DSCAM: variants seen among roughly 807,000 people sequenced by gnomAD.
The protein encoded by DSCAM is DS cell adhesion molecule, also known as cell adhesion molecule DSCAM.
Under a neutral mutation model 217.7 loss-of-function variants are expected in DSCAM, and 47 were observed. The ratio of observed to expected loss-of-function variants is 0.22; its 90% CI spans 0.17 to 0.28. The LOEUF (loss-of-function observed/expected upper bound fraction) is 0.28, where lower values mean the gene tolerates loss of function less well. DSCAM is among the 10% of genes least tolerant of loss of function. The pLI is 1.00. For missense variants in DSCAM, 2,080 were observed against 2,618.3 expected, an observed-to-expected ratio of 0.79 and a Z score of 4.49; for synonymous variants, 1,056 against 1,015.3, an observed-to-expected ratio of 1.04 and a Z score of -0.76.
At chr21:40,331,495 T>A (rs1398077657) in intron 8 of DSCAM, among the ~76,000 whole-genome samples, 4 of 152,146 alleles carry the variant, frequency 2.6e-5, no homozygotes, top group Non-Finnish European at 5.9e-5. Flanking sequence ...AGCAAGACAT[T>A]ACGGTGACAG....
intron 18 of DSCAM, among the ~76,000 whole-genome samples, chr21:40,139,718 C>T (rs1347506224): frequency 6.6e-6 from 1 of 150,464 alleles, no homozygotes; most frequent in Admixed American, 6.6e-5. Flanking sequence ...GGGTGATGTA[C>T]ATGCAGTTTG....
intron 1 of DSCAM, among the ~76,000 whole-genome samples, chr21:40,732,190 A>C (rs764119287): frequency 6.6e-6 from 1 of 152,208 alleles, no homozygotes; most frequent in Non-Finnish European, 1.5e-5. Flanking sequence ...ATGTGATAGA[A>C]TTCTGAAGAT....
intron 10 of DSCAM, among the ~76,000 whole-genome samples, chr21:40,276,654 G>A (rs940485785): frequency 6.6e-6 from 1 of 152,146 alleles, no homozygotes; most frequent in African/African-American, 2.4e-5. Context: ...GACTTAATAT[G>A]AATGTAAACA....
chr21:40,302,150 G>T (rs2010044), intron 9 of DSCAM, among the ~76,000 whole-genome samples: 103,699 of 152,050 alleles, frequency 0.68, 37,234 homozygotes, highest in African/African-American at 0.92. Flanking sequence ...GTGGTGAGCC[G>T]GCTTGCCAAT....
At chr21:40,627,402 T>C (rs1019662981) in intron 3 of DSCAM, among the ~76,000 whole-genome samples, 1 of 152,188 alleles carries the variant, frequency 6.6e-6, no homozygotes, top group Non-Finnish European at 1.5e-5. Flanking sequence ...ACCCCCACTA[T>C]ATGAGTAAAT....
intron 15 of DSCAM, among the ~76,000 whole-genome samples, chr21:40,172,021 C>T (rs2090664080): frequency 6.6e-6 from 1 of 152,128 alleles, no homozygotes; most frequent in Admixed American, 6.5e-5. Flanking sequence ...ATTGGCTTCC[C>T]CACTTTGGAA....
intron 3 of DSCAM, among the ~76,000 whole-genome samples, chr21:40,373,752 T>C (rs1400576620): frequency 6.6e-6 from 1 of 152,244 alleles, no homozygotes; most frequent in South Asian, 2.1e-4. Flanking sequence ...CTCATCCACT[T>C]TGAGAGATTT....
At position 40,299,708 on chromosome 21, in the gene DSCAM, A is replaced by G. The variant is rs16999633; in HGVS notation, c.2063-3534T>C. Among the ~76,000 whole-genome samples, 1,388 of 152,208 alleles carry G rather than the reference A, an allele frequency of 9.1e-3. 20 individuals are homozygous for G. Among genetic ancestry groups the G allele is most frequent in the African/African-American group, 0.032 (1,326 of 41,534 alleles). ...TCTGAATGAGGACCCAGTGTTTAACATGTAACTAATGACATCATTCTCATA... is the reference window on the plus strand; with the variant it reads ...TCTGAATGAGGACCCAGTGTTTAACGTGTAACTAATGACATCATTCTCATA... On this transcript the variant is annotated intron_variant, in intron 9 of 32. Coordinates refer to ENST00000400454, the MANE Select transcript of DSCAM (RefSeq NM_001389.5).
intron 11 of DSCAM, among the ~76,000 whole-genome samples, chr21:40,247,877 G>T (rs564490067): frequency 2.0e-5 from 3 of 152,142 alleles, no homozygotes; most frequent in African/African-American, 7.2e-5. Context: ...CCCCTGCAGC[G>T]AACTTTTGCC....
At chr21:40,140,441 T>C (rs1005374735) in intron 18 of DSCAM, among the ~76,000 whole-genome samples, 3 of 152,200 alleles carry the variant, frequency 2.0e-5, no homozygotes, top group African/African-American at 7.2e-5. Context: ...CAGCAGGCAA[T>C]GCTAGCAAAT....
At chr21:40,537,572 T>C (rs2076509177) in intron 3 of DSCAM, among the ~76,000 whole-genome samples, 1 of 152,176 alleles carries the variant, frequency 6.6e-6, no homozygotes, top group Non-Finnish European at 1.5e-5. Context: ...GTCACAGATG[T>C]AATTAAACAA....
Position 40,780,443 on chromosome 21 carries a change from A to G in DSCAM, c.43+66176T>C, listed in dbSNP as rs550729868. ...TGTGTGTATATATATATATATATATATATATCTCCTGTTATCCTATTTATG... is the reference window on the plus strand; with the variant it reads ...TGTGTGTATATATATATATATATATGTATATCTCCTGTTATCCTATTTATG... On this transcript the variant is annotated intron_variant, in intron 1 of 32. Transcript: ENST00000400454. Among the ~76,000 whole-genome samples, 3 of 143,494 alleles carry G rather than the reference A, an allele frequency of 2.1e-5. 1 individual carries two copies. The highest frequency in any genetic ancestry group is 3.1e-5 in the Non-Finnish European group (2 of 65,464). The allele number at this position is 143,494 out of a possible 152,430, so 94.1% of individuals were successfully genotyped here.
intron 3 of DSCAM, among the ~76,000 whole-genome samples, chr21:40,610,369 G>C (rs1349330367): frequency 6.6e-6 from 1 of 152,164 alleles, no homozygotes; most frequent in Non-Finnish European, 1.5e-5. Flanking sequence ...GAGCAAACTA[G>C]AGAAATAAGG....
Position 40,145,900 on chromosome 21 carries a change from G to A in DSCAM, c.3019-1169C>T, listed in dbSNP as rs1229362816. On this transcript the variant is annotated intron_variant, in intron 16 of 32. Transcript: ENST00000400454. ...CAAGATGAGGCTCTAGGGAATAAAG[G>A]TTTTGTAGACTTTCAGGCAGTCAAC... 2.6e-5 allele frequency among the ~76,000 whole-genome samples: 4 copies of A among 151,662 alleles called. No homozygotes were observed. The East Asian group carries it at 7.7e-4, about 29-fold the overall frequency.
Position 40,692,874 on chromosome 21 carries a change from G to C in DSCAM, c.444C>G (p.Pro148=), listed in dbSNP as rs760326251. ...GNVAVFKCII[P]SSVEAYITVV... ...CAGTGATGTACGCCTCCACCGAGGA[G>C]GGGATAATGCACTTGAAGACCGCAA... Residue 148 remains proline (P), a synonymous_variant, in exon 3 of 33, where the codon CCC becomes CCG. Coordinates refer to ENST00000400454, the MANE Select transcript of DSCAM (RefSeq NM_001389.5). 6.2e-7 allele frequency: 1 copy of C among 1,614,040 alleles called. No homozygotes were observed. Among genetic ancestry groups the C allele is most frequent in the Admixed American group, 1.7e-5 (1 of 60,020 alleles).
At chr21:40,793,046 A>G (rs569112269) in intron 1 of DSCAM, among the ~76,000 whole-genome samples, 2 of 152,334 alleles carry the variant, frequency 1.3e-5, no homozygotes, top group South Asian at 4.1e-4. Flanking sequence ...TTCCTGAGAC[A>G]TTTGCTTTTT....
chr21:40,496,297 G>A (rs2076117892), intron 3 of DSCAM, among the ~76,000 whole-genome samples: 2 of 152,092 alleles, frequency 1.3e-5, no homozygotes, highest in African/African-American at 4.8e-5. Context: ...AACCAAAACA[G>A]ATGGTACTGG....
Position 40,818,050 on chromosome 21 carries a change from T to C in DSCAM, c.43+28569A>G, listed in dbSNP as rs180952505. 0.01 allele frequency among the ~76,000 whole-genome samples: 1,333 copies of C among 127,486 alleles called. 83 individuals are homozygous for C. In the East Asian group the frequency reaches 0.2, roughly 20 times the overall value. The allele number at this position is 127,486 out of a possible 152,430, so 83.6% of individuals were successfully genotyped here. A position where few individuals can be genotyped will look rare whatever the true frequency, so the allele number is the denominator to read the frequency against. ...GGCGGAGCTTGCAGTGAGCCGAGAT[T>C]GCGCCACTGCAGTCCGCAGTCCGGC... On this transcript the variant is annotated intron_variant, in intron 1 of 32. Coordinates refer to ENST00000400454, the MANE Select transcript of DSCAM (RefSeq NM_001389.5).
At position 40,296,250 on chromosome 21, in the gene DSCAM, A is replaced by C. The variant is rs2073952648; in HGVS notation, c.2063-76T>G. The C allele has an allele frequency of 1.9e-5, 28 of 1,491,068 alleles. 1 individual carries two copies. In the South Asian group the frequency reaches 3.0e-4, roughly 16 times the overall value. 92.4% of individuals were successfully genotyped at this position (1,491,068 alleles called of 1,614,324 possible). Reference sequence around the variant, plus strand: ...TAAAGGTATGATTCTAAGAAACTGAATCATTTTAATGAATATTAAAATATG... The same window carrying C: ...TAAAGGTATGATTCTAAGAAACTGACTCATTTTAATGAATATTAAAATATG... On this transcript the variant is annotated intron_variant, in intron 9 of 32. Coordinates refer to ENST00000400454, the MANE Select transcript of DSCAM (RefSeq NM_001389.5).
Sources: allele counts gnomAD v4.1 joint callset (sites outside exome capture counted in the v4.1 genomes callset), GRCh38; gene constraint gnomAD v4.1.1; transcripts MANE v1.5; gene names NCBI Gene and HGNC (gene_info 2026-07-23, HGNC 2026-07-21).